Variants in ZNF343 observed in about 807,000 individuals in gnomAD.
ZNF343 encodes zinc finger protein 343.
A neutral mutation model predicts 13.8 loss-of-function variants in ZNF343; 11 were observed. The ratio of observed to expected loss-of-function variants is 0.80; its 90% confidence interval spans 0.50 to 1.32. The LOEUF is 1.32. Among genes scored for constraint, ZNF343 ranks in the 40% most tolerant of loss-of-function variants. The pLI, the probability that ZNF343 is intolerant of heterozygous loss-of-function variation, is 0.00. For synonymous variants in ZNF343, 248 were observed against 260.0 expected, an observed-to-expected ratio of 0.95 and a Z score of 0.44; for missense variants, 658 against 714.2, an observed-to-expected ratio of 0.92 and a Z score of 0.90.
At chr20:2,516,590 T>C (rs141592294) in intron 1 of ZNF343, among the ~76,000 whole-genome samples, 37 of 151,962 alleles carry the variant, frequency 2.4e-4, no homozygotes, top group Middle Eastern at 3.4e-3. Flanking sequence ...CAGGGTAGGG[T>C]CAGGACAACA....
In ZNF343 at chr20:2,484,583, T is replaced by C; in HGVS notation, c.378A>G (p.Gln126=). 2 of 1,614,054 alleles carry C rather than the reference T, an allele frequency of 1.2e-6. No homozygotes were observed. Among genetic ancestry groups the C allele is most frequent in the Non-Finnish European group, 8.5e-7 (1 of 1,179,966 alleles). The change falls in exon 6 of 6, where the codon CAA becomes CAG. Residue 126 remains glutamine (Q), a synonymous_variant. Transcript: ENST00000278772. ...LAFSCQQFLS[Q]HVLQIFLGLC... The stretch of plus-strand genomic sequence containing the variant: ...AGCCCAGGAAGATCTGAAGTACATG[T>C]TGACTGAGGAACTGCTGACAGGAGA...
intron 3 of ZNF343, 41 bp from the exon 4 acceptor site, chr20:2,493,618 C>T: frequency 1.0e-5 from 9 of 866,018 alleles, no homozygotes; most frequent in South Asian, 1.3e-5. Context: ...CAGACCCCCC[C>T]ACCCCCCACC....
upstream of ZNF343, chr20:2,509,061 A>G (rs953720727): frequency 6.6e-6 from 1 of 152,220 alleles, no homozygotes; most frequent in Non-Finnish European, 1.5e-5. Flanking sequence ...TAAAATACCC[A>G]TGTTGAAAAC....
Position 2,503,500 on chromosome 20 carries a change from A to C in ZNF343, c.-236-2758T>G, listed in dbSNP as rs1301127239. Among the ~76,000 whole-genome samples the C allele has an allele frequency of 3.3e-5, 5 of 152,228 alleles. 1 individual carries two copies. The highest frequency in any genetic ancestry group is 9.6e-5 in the African/African-American group (4 of 41,456). ...GAACTCTCTACCCCAAATCAACAGAATATACATTCTTCTCAGCACCACACC... is the reference window on the plus strand; with the variant it reads ...GAACTCTCTACCCCAAATCAACAGACTATACATTCTTCTCAGCACCACACC... On this transcript the variant is annotated intron_variant, in intron 1 of 5. Transcript: ENST00000278772.
At chr20:2,511,341 C>G (rs1281394317), upstream of ZNF343, among the ~76,000 whole-genome samples, 1 of 152,064 alleles carries the variant, frequency 6.6e-6, no homozygotes, top group Non-Finnish European at 1.5e-5. Context: ...AACTCCTAGG[C>G]TCAGGTGATT....
At chr20:2,521,022 A>G (rs2122764450) in intron 1 of ZNF343, among the ~76,000 whole-genome samples, 1 of 152,320 alleles carries the variant, frequency 6.6e-6, no homozygotes, top group South Asian at 2.1e-4. Context: ...TAGAACTGAA[A>G]CCAAAACTCA....
chr20:2,503,259 C>T (rs2085600083), intron 1 of ZNF343, among the ~76,000 whole-genome samples: 1 of 152,168 alleles, frequency 6.6e-6, no homozygotes, highest in Non-Finnish European at 1.5e-5. Flanking sequence ...AAAGAGCTAA[C>T]TATCCTAAAT....
At position 2,493,123 on chromosome 20, in the gene ZNF343, T is replaced by C. The variant is rs1423908565; in HGVS notation, c.178-298A>G. The C allele has an allele frequency of 6.3e-6, 3 of 478,082 alleles. No homozygotes were observed. The East Asian group carries it at 1.2e-4, about 20-fold the overall frequency. 29.6% of individuals were successfully genotyped at this position (478,082 alleles called of 1,614,324 possible). ...CAGGCTGTGTTTAAGACAGTGACTT[T>C]GAGGATTCATAATGAAGGAATTCAG... On this transcript the variant is annotated intron_variant, in intron 4 of 5. Coordinates refer to ENST00000278772, the MANE Select transcript of ZNF343 (RefSeq NM_024325.6).
chr20:2,524,984 G>C (rs1215587240), upstream of ZNF343, among the ~76,000 whole-genome samples: 1 of 152,172 alleles, frequency 6.6e-6, no homozygotes, highest in Non-Finnish European at 1.5e-5. Context: ...TGGAATCCCC[G>C]CTTCCCGGCT....
intron 5 of ZNF343, among the ~76,000 whole-genome samples, chr20:2,488,177 C>T (rs1470006570): frequency 6.6e-6 from 1 of 152,112 alleles, no homozygotes. Context: ...GATTTTTAGC[C>T]AAATTTAGAA....
chr20:2,500,412 GC>G (rs2085540427), intron 2 of ZNF343, among the ~76,000 whole-genome samples: 1 of 152,204 alleles, frequency 6.6e-6, no homozygotes, highest in South Asian at 2.1e-4. Context: ...GAATCCAGCA[GC>G]CAAGATGAAA....
At chr20:2,524,816 C>A (rs1291079354), upstream of ZNF343, 1 of 152,344 alleles carries the variant, frequency 6.6e-6, no homozygotes, top group East Asian at 1.9e-4. Flanking sequence ...GCGAGAGTCT[C>A]GCTGTGTCAC....
chr20:2,488,301 G>A (rs1379387796), intron 5 of ZNF343, among the ~76,000 whole-genome samples: 2 of 151,314 alleles, frequency 1.3e-5, no homozygotes, highest in Non-Finnish European at 2.9e-5. Context: ...TCTTGTGTAT[G>A]GTGTGTGGTA....
At chr20:2,504,996 A>T (rs1313221220) in intron 1 of ZNF343, among the ~76,000 whole-genome samples, 1 of 152,210 alleles carries the variant, frequency 6.6e-6, no homozygotes, top group South Asian at 2.1e-4. Flanking sequence ...TCAGTTAGGA[A>T]AAGAGGAAGT....
upstream of ZNF343, chr20:2,509,239 T>C (rs1230461177): frequency 1.3e-5 from 2 of 152,216 alleles, no homozygotes; most frequent in Non-Finnish European, 2.9e-5. Context: ...ATGCGCTGTC[T>C]GTCAGGCGTG....
chr20:2,516,035 G>C (rs1400500704), intron 1 of ZNF343, among the ~76,000 whole-genome samples: 1 of 152,114 alleles, frequency 6.6e-6, no homozygotes, highest in Non-Finnish European at 1.5e-5. Flanking sequence ...TTGAAAGTGA[G>C]AGTGATGGTC....
intron 1 of ZNF343, among the ~76,000 whole-genome samples, chr20:2,519,205 C>A (rs1463947464): frequency 6.6e-6 from 1 of 152,142 alleles, no homozygotes; most frequent in Non-Finnish European, 1.5e-5. Context: ...CCGTGACCTA[C>A]CCCACATTAC....
rs1472372418 is a variant in ZNF343, at chr20:2,508,461, G to C, written c.-237+420C>G. On this transcript the variant is annotated intron_variant, in intron 1 of 5. Coordinates refer to ENST00000278772, the MANE Select transcript of ZNF343 (RefSeq NM_024325.6). The surrounding 1 kb of genome is among the most constrained non-coding windows in gnomAD (Gnocchi z 4.5). Reference sequence around the variant, plus strand: ...AACCACCCAGGGATGTGCGGACCTAGCCACGTCCCCACCCCAGCCGCGGGG... The same window carrying C: ...AACCACCCAGGGATGTGCGGACCTACCCACGTCCCCACCCCAGCCGCGGGG... 2.0e-5 allele frequency among the ~76,000 whole-genome samples: 3 copies of C among 152,076 alleles called. No individual in the cohort carries two copies. The highest frequency in any genetic ancestry group is 4.4e-5 in the Non-Finnish European group (3 of 68,022).
At position 2,508,107 on chromosome 20, in the gene ZNF343, G is replaced by C. The variant is rs6083505; in HGVS notation, c.-237+774C>G. Reference sequence around the variant, plus strand: ...TTGAGACAACAGGTCCCAGAGAAAAGACCTGCCCCCATTCAAAAGAGCTGC... The same window carrying C: ...TTGAGACAACAGGTCCCAGAGAAAACACCTGCCCCCATTCAAAAGAGCTGC... On this transcript the variant is annotated intron_variant, in intron 1 of 5. Transcript: ENST00000278772. The surrounding 1 kb of genome is among the most constrained non-coding windows in gnomAD (Gnocchi z 4.5). Among the ~76,000 whole-genome samples, 2 of 151,594 alleles carry C rather than the reference G, an allele frequency of 1.3e-5. No individual in the cohort carries two copies. Among genetic ancestry groups the C allele is most frequent in the South Asian group, 2.1e-4 (1 of 4,800 alleles).
Sources: gnomAD v4.1 joint callset for allele counts (sites outside exome capture counted in the v4.1 genomes callset) on GRCh38, gnomAD v4.1.1 for gene constraint, Gnocchi (gnomAD v3.1) non-coding constraint, MANE v1.5 for transcripts, NCBI Gene and HGNC (gene_info 2026-07-23, HGNC 2026-07-21) for gene names.